TEX54: variants seen among roughly 807,000 people sequenced by gnomAD.
TEX54 encodes testis expressed 54.
For missense variants in TEX54, 58 were observed against 19.6 expected, an observed-to-expected ratio of 2.96 and a Z score of -3.70; for synonymous variants, 17 against 7.0, an observed-to-expected ratio of 2.42 and a Z score of -2.24.
chr11:62,832,764 C>T, exon 1 of TEX54: 1 of 660,556 alleles, frequency 1.5e-6, no homozygotes, highest in Non-Finnish European at 2.5e-6. Flanking sequence ...CCCGCGTGGC[C>T]CTGGACTCCG....
At chr11:62,832,818 G>T, upstream of TEX54, 1 of 1,138,844 alleles carries the variant, frequency 8.8e-7, no homozygotes, top group Non-Finnish European at 1.2e-6. Context: ...CGGCTTTTGT[G>T]ACATCAGATA....
the TEX54 span, chr11:62,832,679 GC>G: frequency 2.1e-6 from 1 of 485,314 alleles, no homozygotes; most frequent in Non-Finnish European, 3.6e-6. Context: ...CATCTTCCCT[GC>G]CGTCCTCAGA....
At chr11:62,832,610 C>G (rs932209095) in exon 1 of TEX54, 1 of 448,164 alleles carries the variant, frequency 2.2e-6, no homozygotes, top group African/African-American at 2.0e-5. Context: ...TGAGCTCACC[C>G]CTACCCTCGG....
chr11:62,832,613 A>G lies in TEX54; in HGVS notation c.138T>C (p.Gly46=). 4 of 443,188 alleles carry G rather than the reference A, an allele frequency of 9.0e-6. No individual in the cohort carries two copies. In the East Asian group the frequency reaches 1.4e-4, roughly 15 times the overall value. The allele number at this position is 443,188 out of a possible 1,614,324, so 27.5% of individuals were successfully genotyped here. A position where few individuals can be genotyped will look rare whatever the true frequency, so the allele number is the denominator to read the frequency against. The change falls in exon 1 of 1, where the codon GGT becomes GGC. Residue 46 remains glycine (G), a synonymous_variant. Transcript: ENST00000636508. Reference sequence around the variant, plus strand: ...CGACGAGGCCTCTGAGCTCACCCCTACCCTCGGGAAGCCCCCTCTCACACT... The same window carrying G: ...CGACGAGGCCTCTGAGCTCACCCCTGCCCTCGGGAAGCCCCCTCTCACACT...
chr11:62,832,698 T>A (rs566287961), exon 1 of TEX54: 1 of 532,834 alleles, frequency 1.9e-6, no homozygotes, highest in Non-Finnish European at 3.3e-6. Flanking sequence ...AGACTCTTCC[T>A]CCTTGGACTG....
At chr11:62,832,794 C>T (rs1012717009) in exon 1 of TEX54, 14 of 925,016 alleles carry the variant, frequency 1.5e-5, no homozygotes, top group South Asian at 4.0e-5. Flanking sequence ...CGCCAGCCTG[C>T]CTGCCTCCAG....
chr11:62,832,467 G>A (rs999864659), exon 1 of TEX54: 8 of 449,408 alleles, frequency 1.8e-5, no homozygotes, highest in Admixed American at 3.9e-5. Flanking sequence ...TGGCCGCGAG[G>A]AGCCCCGACG....
At chr11:62,832,833 G>C, upstream of TEX54, 7 of 1,229,360 alleles carry the variant, frequency 5.7e-6, no homozygotes, top group Non-Finnish European at 7.6e-6. Flanking sequence ...CAGATATCCC[G>C]TCGCCCCAGC....
exon 1 of TEX54, chr11:62,832,377 C>A: frequency 2.0e-6 from 1 of 488,000 alleles, no homozygotes; most frequent in South Asian, 3.5e-5. Flanking sequence ...GGTCTGGGGT[C>A]ATCCCTTCTC....
chr11:62,832,576 C>G, exon 1 of TEX54: 1 of 435,002 alleles, frequency 2.3e-6, no homozygotes, highest in Admixed American at 4.0e-5. Flanking sequence ...ATATCTTCGG[C>G]GCCTGAGGGG....
At chr11:62,832,648 CT>C in the TEX54 span, 3 of 468,114 alleles carry the variant, frequency 6.4e-6, no homozygotes, top group Middle Eastern at 5.4e-4. Context: ...TCCCTGGGCC[CT>C]CTTTGTGTGT....
At chr11:62,832,611 C>T in exon 1 of TEX54, 1 of 448,310 alleles carries the variant, frequency 2.2e-6, no homozygotes, top group Non-Finnish European at 3.9e-6. Context: ...GAGCTCACCC[C>T]TACCCTCGGG....
exon 1 of TEX54, chr11:62,832,747 C>G: frequency 1.7e-6 from 1 of 587,008 alleles, no homozygotes; most frequent in Non-Finnish European, 2.9e-6. Flanking sequence ...TGGCAGCAGC[C>G]CATGGCCCCG....
Position 62,832,399 on chromosome 11 carries a change from G to C in TEX54, c.352C>G (p.Gln118Glu), listed in dbSNP as rs2084884170. The C allele has an allele frequency of 1.3e-5, 6 of 472,098 alleles. No individual in the cohort carries two copies. In the South Asian group the frequency reaches 2.4e-4, roughly 19 times the overall value. 29.2% of individuals were successfully genotyped at this position (472,098 alleles called of 1,614,324 possible). ...GGTCATCCCTTCTCCGGCTCCTCCT[G>C]GTTGCCTTCTCGGATCGGACTCTCC... Residue 118 changes from glutamine (Q) to glutamate (E), a missense_variant, in exon 1 of 1, where the codon CAG becomes GAG. Transcript: ENST00000636508.
chr11:62,832,354 C>A, exon 1 of TEX54: 1 of 567,696 alleles, frequency 1.8e-6, no homozygotes, highest in Non-Finnish European at 3.1e-6. Context: ...GAGGTTGGGG[C>A]GGACTGAGAG....
exon 1 of TEX54, chr11:62,832,509 G>C: frequency 2.3e-6 from 1 of 439,518 alleles, no homozygotes; most frequent in Non-Finnish European, 4.0e-6. Context: ...CCACAGCACG[G>C]TAATCAGAAG....
exon 1 of TEX54, chr11:62,832,629 C>G: frequency 2.2e-6 from 1 of 449,856 alleles, no homozygotes; most frequent in South Asian, 5.4e-5. Context: ...GGGAAGCCCC[C>G]TCTCACACTC....
upstream of TEX54, chr11:62,832,841 A>ATGG (rs2084891066): frequency 7.8e-7 from 1 of 1,281,274 alleles, no homozygotes; most frequent in Non-Finnish European, 1.0e-6. Flanking sequence ...CCGTCGCCCC[A>ATGG]GCTCAGGCAG....
At position 62,832,609 on chromosome 11, in the gene TEX54, C is replaced by T. The variant is rs1386581661; in HGVS notation, c.142G>A (p.Gly48Ser). 4 of 447,782 alleles carry T rather than the reference C, an allele frequency of 8.9e-6. No homozygotes were observed. In the South Asian group the frequency reaches 2.2e-4, roughly 24 times the overall value. 27.7% of individuals were successfully genotyped at this position (447,782 alleles called of 1,614,324 possible). A position where few individuals can be genotyped will look rare whatever the true frequency, so the allele number is the denominator to read the frequency against. Residue 48 changes from glycine to serine, a missense_variant, in exon 1 of 1, where the codon GGT becomes AGT. Gly to Ser is a moderately conservative substitution (Grantham distance 56). Transcript: ENST00000636508. ...GGGACGACGAGGCCTCTGAGCTCAC[C>T]CCTACCCTCGGGAAGCCCCCTCTCA...
Sources: gnomAD v4.1 joint callset for allele counts on GRCh38, gnomAD v4.1.1 for gene constraint, MANE v1.5 for transcripts, NCBI Gene and HGNC (gene_info 2026-07-23, HGNC 2026-07-21) for gene names.